FLT4: variants seen among roughly 807,000 people sequenced by gnomAD.
FLT4 encodes fms related receptor tyrosine kinase 4, also known as vascular endothelial growth factor receptor 3.
In FLT4, 30 loss-of-function variants were observed where a neutral mutation model predicts 163.2. That is an observed-to-expected ratio of 0.18 (90% CI 0.14 to 0.25). The LOEUF is 0.25. Among genes scored for constraint, FLT4 ranks in the 10% least tolerant of loss-of-function variants. The probability of loss-of-function intolerance (pLI) is 1.00; values close to 1 mark genes in which losing one functional copy is unlikely to be tolerated. For missense variants in FLT4, 1,510 were observed against 1,863.8 expected, an observed-to-expected ratio of 0.81 and a Z score of 3.50; for synonymous variants, 884 against 789.5, an observed-to-expected ratio of 1.12 and a Z score of -2.01.
chr5:180,627,602 T>C (rs940778904), intron 8 of FLT4, among the ~76,000 whole-genome samples: 2 of 151,966 alleles, frequency 1.3e-5, no homozygotes, highest in African/African-American at 2.4e-5. Context: ...GCTGGTGCCA[T>C]AGGAAGGGTG....
At chr5:180,624,613 C>T (rs1763458000) in intron 10 of FLT4, among the ~76,000 whole-genome samples, 2 of 152,322 alleles carry the variant, frequency 1.3e-5, no homozygotes, top group South Asian at 4.1e-4. Flanking sequence ...CTTCCTGTGC[C>T]CACTGTCCCT....
chr5:180,630,759 C>T lies in FLT4; in HGVS notation c.196G>A (p.Glu66Lys). Residue 66 changes from glutamate to lysine, a missense_variant, in exon 3 of 30, where the codon GAG (glutamate) becomes AAG (lysine). Physicochemically the swap from Glu to Lys is moderately conservative, Grantham distance 56 (BLOSUM62 1). Coordinates refer to ENST00000261937, the MANE Select transcript of FLT4 (RefSeq NM_182925.5). The surrounding 1 kb of genome is among the most constrained non-coding windows in gnomAD (Gnocchi z 6.3). ...TCCTTGTCTCCGGTGGCTGGCGCCT[C>T]CTGAGCTCCTGGCCAAGCCCACTCG... ...PLEWAWPGAQ[E>K]APATGDKDSE... 2.5e-6 allele frequency: 4 copies of T among 1,608,430 alleles called. No homozygotes were observed. In the Middle Eastern group the frequency reaches 5.0e-4, roughly 199 times the overall value.
In FLT4 at chr5:180,632,327, C is replaced by T. The variant is rs560303438; in HGVS notation, c.59-549G>A. 1.5e-4 allele frequency among the ~76,000 whole-genome samples: 21 copies of T among 140,788 alleles called. 1 individual carries two copies. Among genetic ancestry groups the T allele is most frequent in the Admixed American group, 1.2e-3 (18 of 14,588 alleles). 92.4% of individuals were successfully genotyped at this position (140,788 alleles called of 152,430 possible). On this transcript the variant is annotated intron_variant, in intron 1 of 29. Coordinates refer to ENST00000261937, the MANE Select transcript of FLT4 (RefSeq NM_182925.5). Reference sequence around the variant, plus strand: ...AGGGGCCTCGCCCCTTCCCAGGCCACGTGGTGTCACCTCACAGGTGTCCTT... The same window carrying T: ...AGGGGCCTCGCCCCTTCCCAGGCCATGTGGTGTCACCTCACAGGTGTCCTT...
rs759044742 is a variant in FLT4, at chr5:180,609,935, G to A, written c.3777C>T (p.Pro1259=). The A allele has an allele frequency of 3.1e-6, 5 of 1,614,032 alleles. No individual in the cohort carries two copies. Among genetic ancestry groups the A allele is most frequent in the Admixed American group, 1.7e-5 (1 of 60,018 alleles). Residue 1259 remains proline, a synonymous_variant, in exon 28 of 30, where the codon CCC becomes CCT. Transcript: ENST00000261937. ...SSRMKTFEEF[P]MTPTTYKGSV... ...AGCCTTTGTAGGTCGTTGGGGTCAT[G>A]GGGAATTCCTCAAATGTCTTCATCC...
intron 1 of FLT4, among the ~76,000 whole-genome samples, chr5:180,648,690 G>A (rs889560318): frequency 1.3e-5 from 2 of 151,450 alleles, no homozygotes; most frequent in African/African-American, 4.9e-5. Flanking sequence ...CAACCCCTCC[G>A]CCTCCGCTTC....
chr5:180,636,685 C>T lies in FLT4; in HGVS notation c.59-4907G>A, dbSNP rs529033786. Among the ~76,000 whole-genome samples, 362 of 152,182 alleles carry T rather than the reference C, an allele frequency of 2.4e-3. 1 individual carries two copies. Among genetic ancestry groups the T allele is most frequent in the Non-Finnish European group, 2.0e-3 (136 of 68,006 alleles). Reference sequence around the variant, plus strand: ...CTCCTGAATCACTCAGTTCTGTGGGCGCATCCTGGACCTGGTCATCACCAG... The same window carrying T: ...CTCCTGAATCACTCAGTTCTGTGGGTGCATCCTGGACCTGGTCATCACCAG... On this transcript the variant is annotated intron_variant, in intron 1 of 29. Coordinates refer to ENST00000261937, the MANE Select transcript of FLT4 (RefSeq NM_182925.5). The surrounding 1 kb of genome is among the most constrained non-coding windows in gnomAD (Gnocchi z 4.3).
At chr5:180,603,519 C>T (rs72816991) in intron 29 of FLT4, 129 bp from the exon 30 acceptor site, 34,338 of 824,824 alleles carry the variant, frequency 0.042, 1,018 homozygotes, top group East Asian at 0.12. Flanking sequence ...AGAGTCCAGC[C>T]CAGGCAACAT....
chr5:180,619,050 C>T lies in FLT4; in HGVS notation c.2821G>A (p.Ala941Thr), dbSNP rs757762772. ...KYGNLSNFLR[A>T]KRDAFSPCAE... Reference sequence around the variant, plus strand: ...CAGGGGCTGAAGGCGTCCCGCTTGGCGCGCAGGAAGTTGGAGAGGTTGCCG... The same window carrying T: ...CAGGGGCTGAAGGCGTCCCGCTTGGTGCGCAGGAAGTTGGAGAGGTTGCCG... Residue 941 changes from alanine (A) to threonine (T), a missense_variant, in exon 20 of 30, where the codon GCC becomes ACC. Ala to Thr is a moderately conservative substitution (Grantham distance 58). This residue lies in a region of FLT4 where 878 missense variants were observed against 1,016.7 expected (regional missense o/e 0.86). Transcript: ENST00000261937. The T allele has an allele frequency of 1.3e-6, 2 of 1,556,718 alleles. No homozygotes were observed. Among genetic ancestry groups the T allele is most frequent in the East Asian group, 2.4e-5 (1 of 41,488 alleles).
chr5:180,630,412 G>C lies in FLT4; in HGVS notation c.401-75C>G, dbSNP rs1764009656. On this transcript the variant is annotated intron_variant, in intron 3 of 29. Coordinates refer to ENST00000261937, the MANE Select transcript of FLT4 (RefSeq NM_182925.5). This position sits in a 1 kb window ranked among gnomAD's most constrained non-coding sequence, Gnocchi z 6.3. The stretch of plus-strand genomic sequence containing the variant: ...GGGGAGGGCTCCACGGGGCTGGGTG[G>C]TGCTGGTCCTGAACCAGCCACCCGC... 1.3e-6 allele frequency: 2 copies of C among 1,550,252 alleles called. No individual in the cohort carries two copies. Among genetic ancestry groups the C allele is most frequent in the Admixed American group, 3.4e-5 (2 of 58,548 alleles).
At position 180,630,436 on chromosome 5, in the gene FLT4, G is replaced by T; in HGVS notation, c.401-99C>A. The T allele has an allele frequency of 6.4e-7, 1 of 1,559,730 alleles. No homozygotes were observed. The highest frequency in any genetic ancestry group is 8.7e-7 in the Non-Finnish European group (1 of 1,145,398). On this transcript the variant is annotated intron_variant, in intron 3 of 29. Transcript: ENST00000261937. The surrounding 1 kb of genome is among the most constrained non-coding windows in gnomAD (Gnocchi z 6.3). ...GGTGCTGGTCCTGAACCAGCCACCC[G>T]CTGGAGCAGGTAGGGCCCCGTTCTC...
chr5:180,603,903 T>TAAAAAAA lies in FLT4; in HGVS notation c.3894-520_3894-514dup, dbSNP rs3053717. On this transcript the variant is annotated intron_variant, in intron 29 of 29. Transcript: ENST00000261937. ...TGGGCGACAGAGTGAGACTCCATCT[T>TAAAAAAA]AAAAAAAAAAAAAATTGCTTGAGCC... 2.1e-5 allele frequency among the ~76,000 whole-genome samples: 3 copies of TAAAAAAA among 142,784 alleles called. No homozygotes were observed. In the East Asian group the frequency reaches 6.2e-4, roughly 30 times the overall value. 93.7% of individuals were successfully genotyped at this position (142,784 alleles called of 152,430 possible). A position where few individuals can be genotyped will look rare whatever the true frequency, so the allele number is the denominator to read the frequency against.
chr5:180,609,948 A>G lies in FLT4; in HGVS notation c.3764T>C (p.Phe1255Ser). The G allele has an allele frequency of 6.2e-7, 1 of 1,614,132 alleles. No homozygotes were observed. The highest frequency in any genetic ancestry group is 8.5e-7 in the Non-Finnish European group (1 of 1,179,994). ...ETRGSSRMKT[F>S]EEFPMTPTTY... ...CGTTGGGGTCATGGGGAATTCCTCA[A>G]ATGTCTTCATCCTGGAGGAACCACG... Residue 1255 changes from phenylalanine (F) to serine (S), a missense_variant, in exon 28 of 30, where the codon TTT becomes TCT. Physicochemically the swap from Phe to Ser is radical, Grantham distance 155. Around this residue, in one of 5 missense-constraint regions of FLT4, gnomAD observed 295 missense variants for 311.0 expected, o/e 0.95. Transcript: ENST00000261937.
At position 180,605,428 on chromosome 5, in the gene FLT4, T is replaced by C. The variant is rs1761735230; in HGVS notation, c.3894-2038A>G. 3.3e-5 allele frequency among the ~76,000 whole-genome samples: 5 copies of C among 152,284 alleles called. No homozygotes were observed. The South Asian group carries it at 1.0e-3, about 32-fold the overall frequency. The stretch of plus-strand genomic sequence containing the variant: ...AATTCATGTTGGAGCATTTTGCTCG[T>C]TTTCCTGTTTCTTTTGAACAATTGT... On this transcript the variant is annotated intron_variant, in intron 29 of 29. Coordinates refer to ENST00000261937, the MANE Select transcript of FLT4 (RefSeq NM_182925.5).
Position 180,621,586 on chromosome 5 carries a change from C to A in FLT4, c.1976G>T (p.Arg659Leu). ...CTTGTGGCAGTGCTTGTCATGGCTG[C>A]GCCGGTCTTGCACTTCGCACACATA... ...GHYVCEVQDR[R>L]SHDKHCHKKY... Residue 659 changes from arginine to leucine, a missense_variant, in exon 13 of 30, where the codon CGC (arginine) becomes CTC (leucine). Physicochemically the swap from Arg to Leu is moderately radical, Grantham distance 102. Around this residue, in one of 5 missense-constraint regions of FLT4, gnomAD observed 878 missense variants for 1,016.7 expected, o/e 0.86. Transcript: ENST00000261937. The A allele has an allele frequency of 6.2e-7, 1 of 1,611,642 alleles. No homozygotes were observed. Among genetic ancestry groups the A allele is most frequent in the Non-Finnish European group, 8.5e-7 (1 of 1,179,250 alleles).
rs765361105 is a variant in FLT4, at chr5:180,616,502, G to A, written c.3097-13C>T. 2.0e-5 allele frequency: 33 copies of A among 1,613,388 alleles called. No homozygotes were observed. The highest frequency in any genetic ancestry group is 3.3e-5 in the Admixed American group (2 of 60,002). ...CTCTGTGGATGCACTGGGGTGCGGG[G>A]AGGCGGCAGGGGGGCTGTCAGTGCA... On this transcript the variant is annotated splice_polypyrimidine_tract_variant and intron_variant, in intron 22 of 29. Transcript: ENST00000261937.
At position 180,622,712 on chromosome 5, in the gene FLT4, C is replaced by T. The variant is rs774846549; in HGVS notation, c.1657+19G>A. 1 of 1,518,632 alleles carries T rather than the reference C, an allele frequency of 6.6e-7. No individual in the cohort carries two copies. Among genetic ancestry groups the T allele is most frequent in the Non-Finnish European group, 9.1e-7 (1 of 1,093,882 alleles). 94.1% of individuals were successfully genotyped at this position (1,518,632 alleles called of 1,614,324 possible). On this transcript the variant is annotated intron_variant, in intron 12 of 29. Transcript: ENST00000261937. ...CTGACCCTGTACCCAGGCCTCCCCG[C>T]CCTGGTCTGGTCACTCACTGGTCAC...
In FLT4 at chr5:180,621,196, C is replaced by T. The variant is rs1763114868; in HGVS notation, c.2077G>A (p.Asp693Asn). 1.2e-6 allele frequency: 2 copies of T among 1,612,848 alleles called. No homozygotes were observed. The highest frequency in any genetic ancestry group is 1.3e-5 in the African/African-American group (1 of 75,072). Reference protein sequence around the residue: ...NLTDLLVNVSDSLEMQCLVAG... With the variant: ...NLTDLLVNVSNSLEMQCLVAG... Reference sequence around the variant, plus strand: ...ACCAAGCACTGCATCTCCAGCGAGTCGCTCACGTTCACCAGGAGGTCGGTC... The same window carrying T: ...ACCAAGCACTGCATCTCCAGCGAGTTGCTCACGTTCACCAGGAGGTCGGTC... The change falls in exon 14 of 30, where the codon GAC (aspartate) becomes AAC (asparagine). Residue 693 changes from aspartate to asparagine, a missense_variant. This residue lies in a region of FLT4 where 878 missense variants were observed against 1,016.7 expected (regional missense o/e 0.86). Coordinates refer to ENST00000261937, the MANE Select transcript of FLT4 (RefSeq NM_182925.5).
chr5:180,616,848 C>G, intron 22 of FLT4, 52 bp downstream of exon 22: 1 of 1,397,132 alleles, frequency 7.2e-7, no homozygotes, highest in Non-Finnish European at 1.0e-6. Flanking sequence ...TTCTTGGCGA[C>G]TGGTGGGGAT....
At chr5:180,619,831 C>T (rs1762985474) in intron 17 of FLT4, 62 bp from the exon 18 acceptor site, 1 of 1,300,236 alleles carries the variant, frequency 7.7e-7, no homozygotes, top group Non-Finnish European at 1.1e-6. Context: ...GACAGGTGGG[C>T]GGCGGGGGAG....
Sources: gnomAD v4.1 joint callset for allele counts (sites outside exome capture counted in the v4.1 genomes callset) on GRCh38, gnomAD v4.1.1 for gene constraint, gnomAD v4.1.1 regional missense constraint, Gnocchi (gnomAD v3.1) non-coding constraint, MANE v1.5 for transcripts, NCBI Gene and HGNC (gene_info 2026-07-23, HGNC 2026-07-21) for gene names.